The following USH2A variants were observed in gnomAD, a reference collection of about 807,000 sequenced individuals.
The protein encoded by USH2A is usherin.
In USH2A, 443 loss-of-function variants were observed where a neutral mutation model predicts 538.9. The observed-to-expected ratio is 0.82, with a 90% CI of 0.76 to 0.89. The LOEUF is 0.89. Among genes scored for constraint, USH2A ranks in the 40% least tolerant of loss-of-function variants. The pLI, the probability that USH2A is intolerant of heterozygous loss-of-function variation, is 0.00. For missense variants in USH2A, 6,633 were observed against 6,324.8 expected, an observed-to-expected ratio of 1.05 and a Z score of -1.65; for synonymous variants, 2,413 against 2,273.5, an observed-to-expected ratio of 1.06 and a Z score of -1.75.
intron 61 of USH2A, among the ~76,000 whole-genome samples, chr1:215,691,370 C>G (rs1309075044): frequency 6.6e-6 from 1 of 152,146 alleles, no homozygotes; most frequent in Non-Finnish European, 1.5e-5. Flanking sequence ...TCATTTTCCC[C>G]TGGGAAAACT....
At chr1:215,984,806 C>T (rs2102469781) in intron 35 of USH2A, among the ~76,000 whole-genome samples, 1 of 152,300 alleles carries the variant, frequency 6.6e-6, no homozygotes, top group Non-Finnish European at 1.5e-5. Context: ...TTTTCCAGTG[C>T]AGCATGGCAA....
intron 58 of USH2A, among the ~76,000 whole-genome samples, chr1:215,749,843 G>A (rs76215556): frequency 0.026 from 4,014 of 152,200 alleles, 75 homozygotes; most frequent in Non-Finnish European, 0.038. Context: ...CAAGGATTTC[G>A]TTGGTTAATA....
chr1:215,701,562 C>A (rs12121962), intron 61 of USH2A, among the ~76,000 whole-genome samples: 27,170 of 152,144 alleles, frequency 0.18, 2,592 homozygotes, highest in Non-Finnish European at 0.21. Context: ...GATCCCTTTA[C>A]CACTATGTAA....
At chr1:215,809,563 AC>A (rs755241400) in intron 49 of USH2A, among the ~76,000 whole-genome samples, 10 of 152,134 alleles carry the variant, frequency 6.6e-5, no homozygotes, top group Non-Finnish European at 1.3e-4. Context: ...CTTCTCATTA[AC>A]CTCTCAAAAT....
intron 61 of USH2A, among the ~76,000 whole-genome samples, chr1:215,708,766 T>C (rs1023138053): frequency 4.6e-5 from 7 of 152,086 alleles, no homozygotes; most frequent in Admixed American, 1.3e-4. Flanking sequence ...AGGCTCACCC[T>C]CCACTTACCT....
intron 26 of USH2A, among the ~76,000 whole-genome samples, chr1:216,079,767 T>TA (rs1168238729): frequency 6.6e-6 from 1 of 152,076 alleles, no homozygotes; most frequent in African/African-American, 2.4e-5. Flanking sequence ...ATTCAGGAAA[T>TA]GCATTAGGAA....
At chr1:216,223,063 C>A (rs969448315) in intron 14 of USH2A, among the ~76,000 whole-genome samples, 1 of 150,568 alleles carries the variant, frequency 6.6e-6, no homozygotes, top group Non-Finnish European at 1.5e-5. Flanking sequence ...CCTAGAATCT[C>A]CATAAGAAAC....
chr1:215,688,083 A>T (rs1172611945), intron 61 of USH2A, among the ~76,000 whole-genome samples: 12 of 136,650 alleles, frequency 8.8e-5, no homozygotes, highest in Admixed American at 8.7e-4. Flanking sequence ...GGAAGAGTGA[A>T]TGAAATTCTT....
chr1:216,332,553 C>T lies in USH2A; in HGVS notation c.785-4899G>A, dbSNP rs142574764. ...AAAGTCCTAAGGTCTCACCTCAGCT[C>T]GACTTTGAGGCTCTGCACAAGCAGG... On this transcript the variant is annotated intron_variant, in intron 4 of 71. Coordinates refer to ENST00000307340, the MANE Select transcript of USH2A (RefSeq NM_206933.4). Among the ~76,000 whole-genome samples, 7 of 152,220 alleles carry T rather than the reference C, an allele frequency of 4.6e-5. No homozygotes were observed. The South Asian group carries it at 1.5e-3, about 32-fold the overall frequency.
intron 9 of USH2A, among the ~76,000 whole-genome samples, chr1:216,308,554 G>A (rs1268019617): frequency 2.1e-4 from 32 of 152,018 alleles, no homozygotes; most frequent in Non-Finnish European, 5.9e-5. Context: ...TAATTTAAAT[G>A]TTACCTTTGT....
Position 215,986,010 on chromosome 1 carries a change from T to C in USH2A, c.6805+7010A>G, listed in dbSNP as rs994904511. On this transcript the variant is annotated intron_variant, in intron 35 of 71. Coordinates refer to ENST00000307340, the MANE Select transcript of USH2A (RefSeq NM_206933.4). ...ATAAATTCTCACAAAGATGGGCCAATATGAAAGACTAAATTAGGAAAATAT... is the reference window on the plus strand; with the variant it reads ...ATAAATTCTCACAAAGATGGGCCAACATGAAAGACTAAATTAGGAAAATAT... Among the ~76,000 whole-genome samples the C allele has an allele frequency of 4.6e-5, 7 of 152,186 alleles. No individual in the cohort carries two copies. In the South Asian group the frequency reaches 1.2e-3, roughly 27 times the overall value.
intron 30 of USH2A, among the ~76,000 whole-genome samples, chr1:216,057,485 A>G (rs1335333808): frequency 6.6e-6 from 1 of 152,092 alleles, no homozygotes; most frequent in African/African-American, 2.4e-5. Flanking sequence ...GTGAAATCCC[A>G]TCTCTACTAA....
rs1462382161 is a variant in USH2A, at chr1:215,970,643, A to G, written c.6939T>C (p.Gly2313=). 2.5e-6 allele frequency: 4 copies of G among 1,613,530 alleles called. No individual in the cohort carries two copies. Among genetic ancestry groups the G allele is most frequent in the African/African-American group, 2.7e-5 (2 of 74,880 alleles). Residue 2313 remains glycine, a synonymous_variant, in exon 36 of 72, where the codon GGT becomes GGC. Coordinates refer to ENST00000307340, the MANE Select transcript of USH2A (RefSeq NM_206933.4). ...SFRVQACTAK[G]CALGPLVENR... is the part of the protein sequence containing the mutation. The stretch of plus-strand genomic sequence containing the variant: ...TACTCACCAGTGGGCCCAGAGCACA[A>G]CCTTTGGCCGTGCATGCTTGGACTC...
intron 4 of USH2A, 100 bp downstream of exon 4, chr1:216,364,853 A>T (rs2038563796): frequency 6.8e-7 from 1 of 1,465,346 alleles, no homozygotes; most frequent in Non-Finnish European, 9.4e-7. Flanking sequence ...GCCCTAGAAG[A>T]TGAATACACG....
At chr1:215,630,553 A>G (rs1656245942) in intron 70 of USH2A, among the ~76,000 whole-genome samples, 1 of 141,506 alleles carries the variant, frequency 7.1e-6, no homozygotes, top group Non-Finnish European at 1.5e-5. Context: ...GGGTTTTGCA[A>G]CTAAAACTTC....
chr1:215,777,700 A>C (rs1302988814), intron 55 of USH2A, among the ~76,000 whole-genome samples: 1 of 152,198 alleles, frequency 6.6e-6, no homozygotes, highest in Non-Finnish European at 1.5e-5. Flanking sequence ...TAGACCACTT[A>C]GTGTACTATC....
At chr1:216,307,849 C>T (rs2037346531) in intron 9 of USH2A, among the ~76,000 whole-genome samples, 1 of 152,148 alleles carries the variant, frequency 6.6e-6, no homozygotes, top group Non-Finnish European at 1.5e-5. Flanking sequence ...GTGACCTGGA[C>T]CTTCAGGTTC....
At chr1:216,126,763 A>AT (rs2033262588) in intron 21 of USH2A, among the ~76,000 whole-genome samples, 1 of 152,188 alleles carries the variant, frequency 6.6e-6, no homozygotes, top group South Asian at 2.1e-4. Flanking sequence ...ACCAAATTTG[A>AT]TTAAATAGAT....
chr1:216,113,254 T>C (rs755029889), intron 21 of USH2A, among the ~76,000 whole-genome samples: 1 of 152,080 alleles, frequency 6.6e-6, no homozygotes, highest in Admixed American at 6.6e-5. Flanking sequence ...ATTCCTACTC[T>C]TAAATGGAGA....
Sources: allele counts gnomAD v4.1 joint callset (sites outside exome capture counted in the v4.1 genomes callset), GRCh38; gene constraint gnomAD v4.1.1; transcripts MANE v1.5; gene names NCBI Gene and HGNC (gene_info 2026-07-23, HGNC 2026-07-21).